The following BTNL9 variants were observed in gnomAD, a reference collection of about 807,000 sequenced individuals.
BTNL9 encodes the protein butyrophilin-like protein 9.
BTNL9 carries 45 observed loss-of-function variants against 45.8 expected under a neutral mutation model. The observed-to-expected ratio is 0.98, with a 90% CI of 0.77 to 1.26. The LOEUF (loss-of-function observed/expected upper bound fraction) is 1.26, where lower values mean the gene tolerates loss of function less well. Among genes scored for constraint, BTNL9 ranks in the 50% most tolerant of loss-of-function variants. The probability of loss-of-function intolerance (pLI) is 0.00; values close to 1 mark genes in which losing one functional copy is unlikely to be tolerated. For missense variants in BTNL9, 784 were observed against 729.7 expected, an observed-to-expected ratio of 1.07 and a Z score of -0.86; for synonymous variants, 346 against 330.8, an observed-to-expected ratio of 1.05 and a Z score of -0.50.
At position 181,050,031 on chromosome 5, in the gene BTNL9, T is replaced by A. The variant is rs1447480616; in HGVS notation, c.455-57T>A. ...CAAATGCTGAACAGTGGCAGGAATGTTATGCGTGATTTCTCAGAAGAAGCC... is the reference window on the plus strand; with the variant it reads ...CAAATGCTGAACAGTGGCAGGAATGATATGCGTGATTTCTCAGAAGAAGCC... On this transcript the variant is annotated intron_variant, in intron 3 of 10. Coordinates refer to ENST00000327705, the MANE Select transcript of BTNL9 (RefSeq NM_152547.5). The surrounding 1 kb of genome is among the most constrained non-coding windows in gnomAD (Gnocchi z 4.9). The A allele has an allele frequency of 6.4e-7, 1 of 1,559,118 alleles. No individual in the cohort carries two copies. The highest frequency in any genetic ancestry group is 8.7e-7 in the Non-Finnish European group (1 of 1,149,002).
intron 1 of BTNL9, 61 bp downstream of exon 1, chr5:181,040,493 A>C (rs555877850): frequency 8.5e-5 from 13 of 152,298 alleles, no homozygotes; most frequent in African/African-American, 3.1e-4. Flanking sequence ...GCAATCAGAA[A>C]ATGAAGGTGG....
intron 7 of BTNL9, chr5:181,054,652 C>G (rs1196697819): frequency 1.0e-6 from 1 of 985,140 alleles, no homozygotes; most frequent in Non-Finnish European, 1.2e-6. Flanking sequence ...CAGAGGGACT[C>G]AGAGACGTGA....
chr5:181,043,902 G>A (rs910166532), intron 1 of BTNL9, among the ~76,000 whole-genome samples: 2 of 152,208 alleles, frequency 1.3e-5, no homozygotes, highest in Admixed American at 1.3e-4. Flanking sequence ...GACCCTGCCC[G>A]AGGCCTCTGC....
intron 4 of BTNL9, among the ~76,000 whole-genome samples, chr5:181,052,269 G>A (rs1248837806): frequency 6.6e-6 from 1 of 152,184 alleles, no homozygotes; most frequent in Admixed American, 6.5e-5. Context: ...TTACCTAGAG[G>A]AGTCAAGTCC....
At chr5:181,043,211 T>C (rs1760878086) in intron 1 of BTNL9, among the ~76,000 whole-genome samples, 1 of 151,766 alleles carries the variant, frequency 6.6e-6, no homozygotes, top group South Asian at 2.1e-4. Context: ...TGTCTGTGTG[T>C]GTGCATCTGT....
At position 181,048,125 on chromosome 5, in the gene BTNL9, G is replaced by C; in HGVS notation, c.308G>C (p.Arg103Thr). Residue 103 changes from arginine to threonine, a missense_variant, in exon 3 of 11, where the codon AGG becomes ACG. Arg to Thr is a moderately conservative substitution (Grantham distance 71, BLOSUM62 -1). Coordinates refer to ENST00000327705, the MANE Select transcript of BTNL9 (RefSeq NM_152547.5). ...PGRQMPAFRN[R>T]TKLVKDDIAY... ...AGGCAGATGCCGGCGTTCCGGAACA[G>C]GACCAAGTTGGTCAAGGACGACATC... 1 of 1,613,670 alleles carries C rather than the reference G, an allele frequency of 6.2e-7. No individual in the cohort carries two copies. Among genetic ancestry groups the C allele is most frequent in the Non-Finnish European group, 8.5e-7 (1 of 1,180,016 alleles).
At chr5:181,043,792 T>C (rs1760933082) in intron 1 of BTNL9, among the ~76,000 whole-genome samples, 1 of 152,170 alleles carries the variant, frequency 6.6e-6, no homozygotes, top group Non-Finnish European at 1.5e-5. Context: ...TGTAGACCCC[T>C]TTGCTGGAAC....
Position 181,047,998 on chromosome 5 carries a change from C to G in BTNL9, c.181C>G (p.Leu61Val), listed in dbSNP as rs1297199155. 6.2e-7 allele frequency: 1 copy of G among 1,613,826 alleles called. No homozygotes were observed. The highest frequency in any genetic ancestry group is 8.5e-7 in the Non-Finnish European group (1 of 1,180,012). ...GGAGGAGGTGGAGTTCCCGTGCCAC[C>G]TATGGCCACAGCTGGATGCCCAGCA... ...VGEEVEFPCH[L>V]WPQLDAQQME... The change falls in exon 3 of 11, where the codon CTA (leucine) becomes GTA (valine). Residue 61 changes from leucine to valine, a missense_variant. By Grantham distance (32) the Leu-to-Val change is conservative. Transcript: ENST00000327705.
At chr5:181,046,465 C>T (rs1711622063) in intron 2 of BTNL9, among the ~76,000 whole-genome samples, 4 of 152,124 alleles carry the variant, frequency 2.6e-5, no homozygotes, top group Admixed American at 2.6e-4. Flanking sequence ...TTTAATTTTA[C>T]CCCTTGCAAA....
chr5:181,046,631 G>A (rs1387610829), intron 2 of BTNL9, among the ~76,000 whole-genome samples: 1 of 151,990 alleles, frequency 6.6e-6, no homozygotes, highest in Non-Finnish European at 1.5e-5. Context: ...TGTGGATGTG[G>A]CATAAATGGC....
chr5:181,053,612 G>A lies in BTNL9; in HGVS notation c.886+111G>A. 2 of 1,547,322 alleles carry A rather than the reference G, an allele frequency of 1.3e-6. No individual in the cohort carries two copies. The highest frequency in any genetic ancestry group is 1.2e-5 in the South Asian group (1 of 83,888). On this transcript the variant is annotated intron_variant, in intron 6 of 10. Coordinates refer to ENST00000327705, the MANE Select transcript of BTNL9 (RefSeq NM_152547.5). This position sits in a 1 kb window ranked among gnomAD's most constrained non-coding sequence, Gnocchi z 6.5. ...GTTTATTCCAGCGCGAGGTGTCAGG[G>A]CGGCCACCGGGGAACGGGGATCGGT... is the stretch of plus-strand genomic sequence containing the variant.
intron 6 of BTNL9, 39 bp from the exon 7 acceptor site, chr5:181,054,200 T>C: frequency 6.2e-7 from 1 of 1,612,762 alleles, no homozygotes; most frequent in Non-Finnish European, 8.5e-7. Flanking sequence ...CTGAGAGTCT[T>C]TCCCCTTTTC....
Position 181,053,825 on chromosome 5 carries a change from C to T in BTNL9, c.886+324C>T. The T allele has an allele frequency of 6.6e-7, 1 of 1,516,322 alleles. No homozygotes were observed. 93.9% of individuals were successfully genotyped at this position (1,516,322 alleles called of 1,614,324 possible). On this transcript the variant is annotated intron_variant, in intron 6 of 10. Transcript: ENST00000327705. The surrounding 1 kb of genome is among the most constrained non-coding windows in gnomAD (Gnocchi z 6.5). ...AGGGTCTCTGCTGCCAGCGCCACCT[C>T]GTCCAGGTTTTCATAGCGCACAGGG...
intron 9 of BTNL9, among the ~76,000 whole-genome samples, chr5:181,057,803 G>A (rs1262788531): frequency 6.6e-6 from 1 of 152,218 alleles, no homozygotes; most frequent in East Asian, 1.9e-4. Context: ...AAGCCTTGCT[G>A]TAAATATCTG....
At position 181,048,266 on chromosome 5, in the gene BTNL9, T is replaced by C. The variant is rs1300386722; in HGVS notation, c.449T>C (p.Val150Ala). The change falls in exon 3 of 11, where the codon GTA (valine) becomes GCA (alanine). Residue 150 changes from valine (V) to alanine (A), a missense_variant. Val to Ala is a moderately conservative substitution (Grantham distance 64). Transcript: ENST00000327705. Reference sequence around the variant, plus strand: ...GGCGAAGCTCTCTGGGAACTGGAGGTAGCAGGTGCGTGGACTGACCTAAGG... The same window carrying C: ...GGCGAAGCTCTCTGGGAACTGGAGGCAGCAGGTGCGTGGACTGACCTAAGG... The part of the protein sequence containing the change: ...FSGEALWELE[V>A]AGLGSDPHLS... The C allele has an allele frequency of 6.2e-7, 1 of 1,608,684 alleles. No individual in the cohort carries two copies. Among genetic ancestry groups the C allele is most frequent in the Non-Finnish European group, 8.5e-7 (1 of 1,176,756 alleles).
In BTNL9 at chr5:181,055,893, G is replaced by C. The variant is rs1761856796; in HGVS notation, c.929-96G>C. ...CCCCTGCTGGCTATGTGGGTGGTGGGGGGTGCGGGACAGGGTGGGTGCAAG... is the reference window on the plus strand; with the variant it reads ...CCCCTGCTGGCTATGTGGGTGGTGGCGGGTGCGGGACAGGGTGGGTGCAAG... On this transcript the variant is annotated intron_variant, in intron 8 of 10. Transcript: ENST00000327705. This position sits in a 1 kb window ranked among gnomAD's most constrained non-coding sequence, Gnocchi z 4.4. The C allele has an allele frequency of 7.0e-7, 1 of 1,436,230 alleles. No homozygotes were observed. The highest frequency in any genetic ancestry group is 1.4e-5 in the African/African-American group (1 of 71,288). 89.0% of individuals were successfully genotyped at this position (1,436,230 alleles called of 1,614,324 possible). A position where few individuals can be genotyped will look rare whatever the true frequency, so the allele number is the denominator to read the frequency against.
intron 1 of BTNL9, among the ~76,000 whole-genome samples, chr5:181,043,693 T>C (rs1422644752): frequency 6.6e-6 from 1 of 152,240 alleles, no homozygotes; most frequent in Non-Finnish European, 1.5e-5. Context: ...CATGGAGCTC[T>C]AACCTGTGTC....
chr5:181,046,155 CCTCCAACA>C, intron 2 of BTNL9, among the ~76,000 whole-genome samples: 3 of 126,000 alleles, frequency 2.4e-5, no homozygotes, highest in Non-Finnish European at 3.4e-5. Flanking sequence ...ATCTCCCCAG[CCTCCAACA>C]CCTCCTCCAC....
At chr5:181,058,464 C>CG in intron 10 of BTNL9, 86 bp downstream of exon 10, 1 of 1,593,276 alleles carries the variant, frequency 6.3e-7, no homozygotes, top group Non-Finnish European at 8.6e-7. Flanking sequence ...GATTAGAGGA[C>CG]GGGGCTTTAT....
Sources: gnomAD v4.1 joint callset for allele counts (sites outside exome capture counted in the v4.1 genomes callset) on GRCh38, gnomAD v4.1.1 for gene constraint, Gnocchi (gnomAD v3.1) non-coding constraint, MANE v1.5 for transcripts, NCBI Gene and HGNC (gene_info 2026-07-23, HGNC 2026-07-21) for gene names.